DLG2: variants seen among roughly 807,000 people sequenced by gnomAD.
DLG2 encodes disks large homolog 2.
DLG2 carries 45 observed loss-of-function variants against 132.5 expected under a neutral mutation model. That is an observed-to-expected ratio of 0.34 (90% confidence interval 0.27 to 0.44). The LOEUF is 0.44. Among genes scored for constraint, DLG2 ranks in the 20% least tolerant of loss-of-function variants. The probability of loss-of-function intolerance (pLI) is 1.00; values close to 1 mark genes in which losing one functional copy is unlikely to be tolerated. For missense variants in DLG2, 1,045 were observed against 1,196.9 expected, an observed-to-expected ratio of 0.87 and a Z score of 1.87; for synonymous variants, 424 against 419.6, an observed-to-expected ratio of 1.01 and a Z score of -0.13.
rs1003487953 is a variant in DLG2, at chr11:84,353,827, C to T, written c.520-102536G>A. Among the ~76,000 whole-genome samples the T allele has an allele frequency of 4.6e-5, 7 of 152,110 alleles. No individual in the cohort carries two copies. The East Asian group carries it at 1.3e-3, about 29-fold the overall frequency. ...TTGTAACAGCATTTTCCCACAACTT[C>T]ATCATTTATTTTACCTAACCAACTT... On this transcript the variant is annotated intron_variant, in intron 7 of 27. Coordinates refer to ENST00000376104, the MANE Select transcript of DLG2 (RefSeq NM_001142699.3).
chr11:83,938,959 T>A (rs790370), intron 14 of DLG2, among the ~76,000 whole-genome samples: 59,528 of 151,948 alleles, frequency 0.39, 13,460 homozygotes, highest in African/African-American at 0.62. Context: ...TAATTTATAA[T>A]TGAGATACTT....
intron 6 of DLG2, among the ~76,000 whole-genome samples, chr11:84,801,165 GA>G (rs1289846438): frequency 3.9e-5 from 6 of 152,054 alleles, no homozygotes; most frequent in Non-Finnish European, 8.8e-5. Context: ...TCAATCTCAG[GA>G]AAAACTTCAC....
chr11:84,417,012 C>T (rs1472967519), intron 7 of DLG2, among the ~76,000 whole-genome samples: 1 of 152,074 alleles, frequency 6.6e-6, no homozygotes, highest in Admixed American at 6.5e-5. Context: ...ACACAAAAGC[C>T]TATTTAATAT....
At chr11:85,526,393 C>A (rs2074748344) in intron 3 of DLG2, among the ~76,000 whole-genome samples, 2 of 151,770 alleles carry the variant, frequency 1.3e-5, no homozygotes, top group Non-Finnish European at 2.9e-5. Context: ...AGTGCAACAT[C>A]TTTAAAGACC....
intron 4 of DLG2, among the ~76,000 whole-genome samples, chr11:85,204,661 C>A (rs963172702): frequency 1.3e-5 from 2 of 151,910 alleles, no homozygotes; most frequent in African/African-American, 4.8e-5. Flanking sequence ...CAATGACATT[C>A]TTCACATAAA....
intron 16 of DLG2, among the ~76,000 whole-genome samples, chr11:83,859,116 C>G (rs1158300740): frequency 6.6e-6 from 1 of 152,166 alleles, no homozygotes; most frequent in Non-Finnish European, 1.5e-5. Context: ...TCTTTTTCTT[C>G]CCAGTCTTGG....
At chr11:85,563,138 G>A (rs778792121) in intron 3 of DLG2, among the ~76,000 whole-genome samples, 13 of 151,634 alleles carry the variant, frequency 8.6e-5, no homozygotes, top group Non-Finnish European at 1.2e-4. Flanking sequence ...ATTCTCTCTC[G>A]CTTACTAGCT....
chr11:84,235,200 C>G (rs1158526324), intron 8 of DLG2, among the ~76,000 whole-genome samples: 1 of 152,180 alleles, frequency 6.6e-6, no homozygotes, highest in African/African-American at 2.4e-5. Context: ...CTTTTTTGGA[C>G]TGAACCAATG....
intron 9 of DLG2, among the ~76,000 whole-genome samples, chr11:84,133,097 G>A (rs541860705): frequency 1.6e-4 from 25 of 152,124 alleles, no homozygotes; most frequent in African/African-American, 5.8e-4. Flanking sequence ...CAGTTAAGTC[G>A]AGGTTGGCAT....
chr11:83,881,123 T>C (rs1306962299), intron 15 of DLG2, among the ~76,000 whole-genome samples: 2 of 152,198 alleles, frequency 1.3e-5, no homozygotes, highest in Non-Finnish European at 2.9e-5. Context: ...AATGAACTCA[T>C]AGTTCCAGAT....
intron 8 of DLG2, among the ~76,000 whole-genome samples, chr11:84,208,324 TA>T (rs2096704015): frequency 6.6e-6 from 1 of 151,466 alleles, no homozygotes; most frequent in South Asian, 2.1e-4. Context: ...TGGTCACTCA[TA>T]TTGGCTCAGA....
chr11:84,566,491 T>C (rs1177118316), intron 6 of DLG2, among the ~76,000 whole-genome samples: 2 of 152,188 alleles, frequency 1.3e-5, no homozygotes, highest in African/African-American at 2.4e-5. Context: ...TCTGTCTACC[T>C]GGTGACTTGC....
At chr11:85,462,299 G>C (rs548618674) in intron 3 of DLG2, among the ~76,000 whole-genome samples, 3 of 152,220 alleles carry the variant, frequency 2.0e-5, no homozygotes, top group East Asian at 3.9e-4. Context: ...TCCCATTACT[G>C]GGTATATACC....
chr11:83,546,436 T>C (rs117653100), intron 19 of DLG2, among the ~76,000 whole-genome samples: 451 of 152,180 alleles, frequency 3.0e-3, no homozygotes, highest in Non-Finnish European at 5.5e-3. Context: ...TTCTCTTATT[T>C]AGGAAATTCA....
rs147757283 is a variant in DLG2, at chr11:84,723,712, A to G, written c.358-188981T>C. 2.8e-4 allele frequency among the ~76,000 whole-genome samples: 43 copies of G among 152,268 alleles called. No individual in the cohort carries two copies. The East Asian group carries it at 7.1e-3, about 25-fold the overall frequency. On this transcript the variant is annotated intron_variant, in intron 6 of 27. Transcript: ENST00000376104. The stretch of plus-strand genomic sequence containing the variant: ...CATGGGGGTGTACTGCAATATTTTT[A>G]GGAGATATTACTAGGAAATGCAAGG...
chr11:84,717,111 G>A (rs1190014046), intron 6 of DLG2, among the ~76,000 whole-genome samples: 1 of 152,010 alleles, frequency 6.6e-6, no homozygotes, highest in Non-Finnish European at 1.5e-5. Flanking sequence ...GCCATTCTGA[G>A]ATAATTAGAG....
intron 11 of DLG2, among the ~76,000 whole-genome samples, chr11:84,003,411 T>A (rs141612052): frequency 1.1e-3 from 172 of 152,302 alleles, no homozygotes; most frequent in Admixed American, 3.2e-3. Context: ...TCCATTTTCA[T>A]ACTGCTATAA....
intron 3 of DLG2, among the ~76,000 whole-genome samples, chr11:85,293,009 A>G (rs995097403): frequency 2.0e-5 from 3 of 152,110 alleles, no homozygotes; most frequent in African/African-American, 7.2e-5. Flanking sequence ...TAAATCTGAA[A>G]TAATTTGAGC....
At chr11:85,352,007 T>A (rs185333069) in intron 3 of DLG2, among the ~76,000 whole-genome samples, 1 of 152,220 alleles carries the variant, frequency 6.6e-6, no homozygotes, top group African/African-American at 2.4e-5. Context: ...TTTGTACCTC[T>A]GATAGAATCT....
Sources: allele counts gnomAD v4.1 joint callset (sites outside exome capture counted in the v4.1 genomes callset), GRCh38; gene constraint gnomAD v4.1.1; transcripts MANE v1.5; gene names NCBI Gene and HGNC (gene_info 2026-07-23, HGNC 2026-07-21).